Variants in RHOT1 observed in about 807,000 individuals in gnomAD.
RHOT1 encodes mitochondrial Rho GTPase 1.
RHOT1 carries 27 observed loss-of-function variants against 95.3 expected under a neutral mutation model. That is an observed-to-expected ratio of 0.28 (90% CI 0.21 to 0.39). The LOEUF is 0.39. Ranked by LOEUF, RHOT1 falls within the 10% of genes least tolerant of loss-of-function variation. The probability of loss-of-function intolerance (pLI) is 1.00; values close to 1 mark genes in which losing one functional copy is unlikely to be tolerated. For synonymous variants in RHOT1, 227 were observed against 263.5 expected, an observed-to-expected ratio of 0.86 and a Z score of 1.34; for missense variants, 578 against 786.7, an observed-to-expected ratio of 0.73 and a Z score of 3.17.
intron 19 of RHOT1, among the ~76,000 whole-genome samples, chr17:32,212,756 A>G (rs1183548050): frequency 6.6e-6 from 1 of 151,028 alleles, no homozygotes; most frequent in Non-Finnish European, 1.5e-5. Flanking sequence ...CGACTATCCT[A>G]CTCCCTCTTC....
At chr17:32,199,620 C>A in intron 13 of RHOT1, 70 bp downstream of exon 13, 1 of 1,334,414 alleles carries the variant, frequency 7.5e-7, no homozygotes, top group Non-Finnish European at 1.0e-6. Context: ...TTACATTTGT[C>A]ACTTTGTAAG....
intron 19 of RHOT1, among the ~76,000 whole-genome samples, chr17:32,213,816 A>C (rs1302600769): frequency 4.6e-5 from 7 of 152,200 alleles, no homozygotes; most frequent in Admixed American, 4.6e-4. Flanking sequence ...TTAGCTTTCA[A>C]ATAAAATTGA....
At chr17:32,216,693 A>G (rs117302602) in intron 19 of RHOT1, among the ~76,000 whole-genome samples, 2,898 of 152,252 alleles carry the variant, frequency 0.019, 42 homozygotes, top group Non-Finnish European at 0.031. Context: ...TGAATTCATT[A>G]CTTAATATAG....
chr17:32,171,825 T>C (rs1283158335), intron 2 of RHOT1, among the ~76,000 whole-genome samples: 1 of 152,186 alleles, frequency 6.6e-6, no homozygotes, highest in East Asian at 1.9e-4. Context: ...TGAAACAAAC[T>C]CATTCCACCT....
intron 19 of RHOT1, among the ~76,000 whole-genome samples, chr17:32,219,176 C>T (rs1248867769): frequency 6.6e-6 from 1 of 152,152 alleles, no homozygotes; most frequent in Non-Finnish European, 1.5e-5. Context: ...ATAAAAATGA[C>T]TCTCTGGAGC....
At chr17:32,219,217 CT>C (rs1345055536) in intron 19 of RHOT1, among the ~76,000 whole-genome samples, 1 of 152,176 alleles carries the variant, frequency 6.6e-6, no homozygotes, top group East Asian at 1.9e-4. Context: ...AGTTTTGCTT[CT>C]TTTCAGTATT....
At chr17:32,187,801 T>C (rs2036168671) in intron 8 of RHOT1, among the ~76,000 whole-genome samples, 1 of 152,188 alleles carries the variant, frequency 6.6e-6, no homozygotes, top group Non-Finnish European at 1.5e-5. Context: ...ACTCCTGACC[T>C]TAGGTGATCT....
intron 1 of RHOT1, chr17:32,160,013 A>G (rs2033385235): frequency 6.6e-6 from 1 of 152,294 alleles, no homozygotes; most frequent in South Asian, 2.1e-4. Flanking sequence ...TGAGGCCCAT[A>G]AAAAGCCTCC....
intron 19 of RHOT1, among the ~76,000 whole-genome samples, chr17:32,219,961 A>C (rs965998805): frequency 6.6e-6 from 1 of 152,362 alleles, no homozygotes; most frequent in African/African-American, 2.4e-5. Flanking sequence ...TTATACATAG[A>C]CACACGTACA....
At chr17:32,183,079 C>G (rs1304388006) in intron 7 of RHOT1, 92 bp from the exon 8 acceptor site, 3 of 1,140,644 alleles carry the variant, frequency 2.6e-6, no homozygotes, top group Non-Finnish European at 3.8e-6. Context: ...CGTTTTTTTT[C>G]AAGGAATCTT....
At chr17:32,164,015 C>T (rs528862348) in intron 1 of RHOT1, among the ~76,000 whole-genome samples, 7 of 151,452 alleles carry the variant, frequency 4.6e-5, no homozygotes, top group East Asian at 2.0e-4. Context: ...ATTAGCCAGA[C>T]GTGGTGGTGT....
In RHOT1 at chr17:32,210,972, T is replaced by C. The variant is rs145857634; in HGVS notation, c.1740-144T>C. Reference sequence around the variant, plus strand: ...TGGTAAATGTGGAATTCTGCACAACTTTAGCATGCCCCATACTGTCCTTTT... The same window carrying C: ...TGGTAAATGTGGAATTCTGCACAACCTTAGCATGCCCCATACTGTCCTTTT... On this transcript the variant is annotated intron_variant, in intron 18 of 19. Coordinates refer to ENST00000545287, the MANE Select transcript of RHOT1 (RefSeq NM_001033566.3). 1.9e-5 allele frequency: 12 copies of C among 627,470 alleles called. No homozygotes were observed. In the African/African-American group the frequency reaches 2.2e-4, roughly 12 times the overall value. 38.9% of individuals were successfully genotyped at this position (627,470 alleles called of 1,614,324 possible).
At position 32,206,922 on chromosome 17, in the gene RHOT1, T is replaced by A. The variant is rs368897325; in HGVS notation, c.1429T>A (p.Ser477Thr). ...QEKYLLLHDI[S>T]ESEFLTEAEI... is the part of the protein sequence containing the mutation. ...TTTCTTTTACAAGTTGCATGATATC[T>A]CAGAATCGGAATTTCTAACTGAAGC... Residue 477 changes from serine (S) to threonine (T), a missense_variant, in exon 17 of 20, where the codon TCA becomes ACA. Coordinates refer to ENST00000545287, the MANE Select transcript of RHOT1 (RefSeq NM_001033566.3). The A allele has an allele frequency of 1.3e-6, 2 of 1,589,660 alleles. No individual in the cohort carries two copies.
chr17:32,209,960 G>A (rs926792522), intron 18 of RHOT1, among the ~76,000 whole-genome samples: 1 of 151,586 alleles, frequency 6.6e-6, no homozygotes, highest in African/African-American at 2.4e-5. Flanking sequence ...AAAAAAAAAT[G>A]AAAAAGGAAT....
intron 13 of RHOT1, 90 bp downstream of exon 13, chr17:32,199,640 C>T: frequency 1.8e-6 from 2 of 1,130,668 alleles, no homozygotes; most frequent in Non-Finnish European, 2.4e-6. Flanking sequence ...GCTTGTGAGG[C>T]ATTATGAAAT....
At chr17:32,157,840 A>G (rs2033119461) in intron 1 of RHOT1, among the ~76,000 whole-genome samples, 1 of 151,896 alleles carries the variant, frequency 6.6e-6, no homozygotes, top group African/African-American at 2.4e-5. Flanking sequence ...AAAAAAAAAG[A>G]ATACGTGTGT....
At chr17:32,222,829 G>A (rs1427661453) in intron 19 of RHOT1, 1 of 985,258 alleles carries the variant, frequency 1.0e-6, no homozygotes, top group Non-Finnish European at 1.2e-6. Context: ...TACTCACCAG[G>A]TGCATGCTGT....
chr17:32,175,803 A>G (rs982759455), intron 4 of RHOT1, among the ~76,000 whole-genome samples, 159 bp from the exon 5 acceptor site: 2 of 151,748 alleles, frequency 1.3e-5, no homozygotes, highest in Non-Finnish European at 2.9e-5. Flanking sequence ...CCTTAGGAAC[A>G]TTTTCTCTTA....
intron 19 of RHOT1, among the ~76,000 whole-genome samples, chr17:32,218,666 T>C (rs776530415): frequency 1.9e-4 from 29 of 150,128 alleles, no homozygotes; most frequent in Admixed American, 5.3e-4. Context: ...AATCATAAAT[T>C]AGCCAGGTAT....
Sources: allele counts gnomAD v4.1 joint callset (sites outside exome capture counted in the v4.1 genomes callset), GRCh38; gene constraint gnomAD v4.1.1; transcripts MANE v1.5; gene names NCBI Gene and HGNC (gene_info 2026-07-23, HGNC 2026-07-21).